Variants in CNTNAP3B observed in about 807,000 individuals in gnomAD.
The protein encoded by CNTNAP3B is contactin associated protein family member 3B, also known as contactin-associated protein-like 3B.
CNTNAP3B carries 25 observed loss-of-function variants against 108.9 expected under a neutral mutation model. That is an observed-to-expected ratio of 0.23 (90% CI 0.17 to 0.32). The LOEUF is 0.32. Ranked by LOEUF, CNTNAP3B falls within the 10% of genes least tolerant of loss-of-function variation. CNTNAP3B has a pLI of 1.00. For synonymous variants in CNTNAP3B, 103 were observed against 473.4 expected (o/e 0.22, Z 10.16); for missense variants, 252 against 1,210.4 (o/e 0.21, Z 11.75).
intron 13 of CNTNAP3B, among the ~76,000 whole-genome samples, chr9:41,952,161 G>A (rs1257787407): frequency 8.5e-5 from 13 of 152,254 alleles, no homozygotes; most frequent in African/African-American, 3.1e-4. Flanking sequence ...TAGTGGATCA[G>A]CGCAAACCAC....
intron 13 of CNTNAP3B, among the ~76,000 whole-genome samples, chr9:41,940,351 GAAT>G (rs1824297584): frequency 6.6e-6 from 1 of 152,288 alleles, no homozygotes; most frequent in African/African-American, 2.4e-5. Flanking sequence ...CAGCCTGAGA[GAAT>G]AACACATTAC....
intron 15 of CNTNAP3B, among the ~76,000 whole-genome samples, chr9:41,926,244 C>A (rs1409168901): frequency 1.3e-5 from 2 of 152,128 alleles, no homozygotes; most frequent in Non-Finnish European, 2.9e-5. Flanking sequence ...TTGCTCATTC[C>A]CCAGTGTGGA....
intron 3 of CNTNAP3B, among the ~76,000 whole-genome samples, chr9:42,030,785 A>AGAGAGAGAGAGAGT: frequency 2.3e-5 from 1 of 42,876 alleles, no homozygotes; most frequent in Non-Finnish European, 4.8e-5. Context: ...AGAGAGAGAG[A>AGAGAGAGAGAGAGT]TGTGTGCGAG....
chr9:42,042,118 A>T (rs983995488), intron 3 of CNTNAP3B, among the ~76,000 whole-genome samples: 2 of 142,210 alleles, frequency 1.4e-5, no homozygotes, highest in African/African-American at 2.7e-5. Flanking sequence ...GCATTAGGAG[A>T]TATACCTGAT....
rs566558833 is a variant in CNTNAP3B at position 42,112,762 on chromosome 9, T to C, written c.86-8023A>G. On this transcript the variant is annotated intron_variant, in intron 1 of 23. Coordinates refer to ENST00000377561, the MANE Select transcript of CNTNAP3B (RefSeq NM_001201380.3). ...GACTTACAGCACTACAAATATAAAGTTATAACAACAGTATACCAATTTTAA... is the reference window on the plus strand; with the variant it reads ...GACTTACAGCACTACAAATATAAAGCTATAACAACAGTATACCAATTTTAA... Among the ~76,000 whole-genome samples the C allele has an allele frequency of 1.8e-3, 244 of 137,442 alleles. 52 individuals carry two copies. The highest frequency in any genetic ancestry group is 6.9e-3 in the African/African-American group (238 of 34,384). 90.2% of individuals were successfully genotyped at this position (137,442 alleles called of 152,430 possible). A position where few individuals can be genotyped will look rare whatever the true frequency, so the allele number is the denominator to read the frequency against.
At chr9:41,964,309 G>A (rs1434875636) in intron 11 of CNTNAP3B, among the ~76,000 whole-genome samples, 7 of 152,084 alleles carry the variant, frequency 4.6e-5, no homozygotes, top group Non-Finnish European at 8.8e-5. Flanking sequence ...TTTCCCCATT[G>A]CTTGCCAGTT....
chr9:41,919,010 T>A (rs1407210211), intron 18 of CNTNAP3B, among the ~76,000 whole-genome samples: 1 of 152,256 alleles, frequency 6.6e-6, no homozygotes, highest in African/African-American at 2.4e-5. Flanking sequence ...CCAGAGACAC[T>A]TAAACACACA....
At chr9:41,942,720 A>G (rs1203491051) in intron 13 of CNTNAP3B, among the ~76,000 whole-genome samples, 2 of 152,238 alleles carry the variant, frequency 1.3e-5, no homozygotes, top group African/African-American at 2.4e-5. Context: ...TAGTAACAGG[A>G]GATTAAAAAT....
chr9:41,959,364 C>T (rs1824987125), intron 12 of CNTNAP3B, among the ~76,000 whole-genome samples: 1 of 152,250 alleles, frequency 6.6e-6, no homozygotes. Context: ...AATGCGGCAT[C>T]TAAAGAGAAG....
chr9:41,962,777 A>C (rs1324128077), intron 11 of CNTNAP3B, among the ~76,000 whole-genome samples: 1 of 152,050 alleles, frequency 6.6e-6, no homozygotes, highest in Non-Finnish European at 1.5e-5. Context: ...AACATGGCAA[A>C]ACCCCGTCTC....
intron 14 of CNTNAP3B, among the ~76,000 whole-genome samples, chr9:41,930,156 A>G (rs1484371984): frequency 2.0e-5 from 3 of 152,300 alleles, no homozygotes; most frequent in Admixed American, 6.5e-5. Flanking sequence ...AGTCCCACAG[A>G]TTCAAAACCA....
chr9:41,926,288 C>G (rs1439054848), intron 15 of CNTNAP3B, among the ~76,000 whole-genome samples: 2 of 152,078 alleles, frequency 1.3e-5, no homozygotes, highest in Non-Finnish European at 2.9e-5. Context: ...ATTCCTTGAC[C>G]CTATCCCTGC....
chr9:42,044,401 G>T (rs1188332513), intron 3 of CNTNAP3B, among the ~76,000 whole-genome samples: 2 of 149,266 alleles, frequency 1.3e-5, no homozygotes. Context: ...TCACATCTGA[G>T]TTGTCACCAT....
intron 14 of CNTNAP3B, among the ~76,000 whole-genome samples, chr9:41,929,733 T>C (rs1265419155): frequency 3.0e-5 from 4 of 132,806 alleles, no homozygotes; most frequent in Non-Finnish European, 6.4e-5. Context: ...CATGGCTGGG[T>C]TGCAATAAAA....
At chr9:41,934,629 C>T (rs1316474704) in intron 14 of CNTNAP3B, among the ~76,000 whole-genome samples, 2 of 152,292 alleles carry the variant, frequency 1.3e-5, no homozygotes, top group Non-Finnish European at 2.9e-5. Context: ...CCTAACAATG[C>T]TTTTCATCTT....
intron 10 of CNTNAP3B, among the ~76,000 whole-genome samples, chr9:41,968,251 T>C (rs1825341309): frequency 6.8e-6 from 1 of 146,650 alleles, no homozygotes; most frequent in African/African-American, 2.6e-5. Context: ...TGCATCACAG[T>C]TGAGCTGACA....
chr9:42,119,891 A>T (rs2118741257), intron 1 of CNTNAP3B, among the ~76,000 whole-genome samples: 1 of 140,416 alleles, frequency 7.1e-6, no homozygotes, highest in East Asian at 2.2e-4. Context: ...AACCTAGGCA[A>T]TACCATTCAG....
intron 13 of CNTNAP3B, among the ~76,000 whole-genome samples, chr9:41,940,526 A>C (rs1485666124): frequency 3.9e-5 from 6 of 152,224 alleles, no homozygotes; most frequent in Non-Finnish European, 5.9e-5. Flanking sequence ...AAATGGAAAT[A>C]AAATCTTTTT....
chr9:42,115,908 T>A lies in CNTNAP3B; in HGVS notation c.86-11169A>T, dbSNP rs1293179042. On this transcript the variant is annotated intron_variant, in intron 1 of 23. Coordinates refer to ENST00000377561, the MANE Select transcript of CNTNAP3B (RefSeq NM_001201380.3). ...GAAGAAGGTTTCAGATGATCGGTAA[T>A]AACAAACTTCTCCGAGCTAAAGGAG... Among the ~76,000 whole-genome samples the A allele has an allele frequency of 1.6e-5, 2 of 127,570 alleles. 1 individual carries two copies. The highest frequency in any genetic ancestry group is 6.5e-5 in the African/African-American group (2 of 30,860). The allele number at this position is 127,570 out of a possible 152,430, so 83.7% of individuals were successfully genotyped here. A position where few individuals can be genotyped will look rare whatever the true frequency, so the allele number is the denominator to read the frequency against.
Sources: allele counts gnomAD v4.1 joint callset (sites outside exome capture counted in the v4.1 genomes callset), GRCh38; gene constraint gnomAD v4.1.1; transcripts MANE v1.5; gene names NCBI Gene and HGNC (gene_info 2026-07-23, HGNC 2026-07-21).